Variants in ACTR10 observed in about 807,000 individuals in gnomAD.
ACTR10 encodes the protein actin related protein 10, also known as actin-related protein 10.
ACTR10 carries 43 observed loss-of-function variants against 56.2 expected under a neutral mutation model. That is an observed-to-expected ratio of 0.77 (90% confidence interval 0.60 to 0.99). The LOEUF (loss-of-function observed/expected upper bound fraction) is 0.99, where lower values mean the gene tolerates loss of function less well. Ranked by LOEUF, ACTR10 falls within the 50% of genes least tolerant of loss-of-function variation. The pLI is 0.00. For synonymous variants in ACTR10, 170 were observed against 176.3 expected (o/e 0.96, Z 0.28); for missense variants, 466 against 507.8 (o/e 0.92, Z 0.79).
chr14:58,219,777 T>A, intron 8 of ACTR10, 48 bp downstream of exon 8: 1 of 1,251,596 alleles, frequency 8.0e-7, no homozygotes, highest in African/African-American at 1.6e-5. Context: ...AGTGTTACTT[T>A]GGAGGGCATA....
intron 2 of ACTR10, 35 bp downstream of exon 2, chr14:58,202,962 A>C (rs750883909): frequency 7.5e-7 from 1 of 1,330,550 alleles, no homozygotes; most frequent in Admixed American, 1.9e-5. Flanking sequence ...AATAAATGCC[A>C]TACTATAAAA....
chr14:58,231,003 C>T (rs148474329), intron 11 of ACTR10: 17,635 of 260,658 alleles, frequency 0.068, 852 homozygotes, highest in Non-Finnish European at 0.1. Context: ...GTGATCCGCC[C>T]GCCTCGGCCT....
chr14:58,233,201 G>A (rs1434580287), intron 12 of ACTR10, among the ~76,000 whole-genome samples: 3 of 152,086 alleles, frequency 2.0e-5, no homozygotes, highest in African/African-American at 7.2e-5. Context: ...TCATTTTAAT[G>A]TCTTCTAAAG....
At chr14:58,211,090 G>T in intron 4 of ACTR10, 1 of 441,316 alleles carries the variant, frequency 2.3e-6, no homozygotes, top group Non-Finnish European at 4.1e-6. Flanking sequence ...TTTTATTACA[G>T]TGTATTTTGG....
chr14:58,208,998 G>C lies in ACTR10; in HGVS notation c.234-1G>C. ...TTAAAACCAAAACTTTCACTTTTCA[G>C]GCATCTATTGGTGAATCCCAGAGAC... On this transcript the variant is annotated splice_acceptor_variant, in intron 3 of 12. Transcript: ENST00000254286. LOFTEE classifies it high-confidence loss of function. 6.3e-7 allele frequency: 1 copy of C among 1,598,026 alleles called. No homozygotes were observed. The highest frequency in any genetic ancestry group is 8.5e-7 in the Non-Finnish European group (1 of 1,172,242).
At chr14:58,232,028 T>C in intron 11 of ACTR10, 38 bp from the exon 12 acceptor site, 1 of 1,431,028 alleles carries the variant, frequency 7.0e-7, no homozygotes. Context: ...ATTTGTACAG[T>C]TCAGAATAAA....
chr14:58,223,559 G>A (rs943332786), intron 8 of ACTR10, 63 bp from the exon 9 acceptor site: 3 of 1,301,886 alleles, frequency 2.3e-6, no homozygotes, highest in Non-Finnish European at 2.2e-6. Flanking sequence ...TAACTGGGGT[G>A]TAGGTACACT....
intron 10 of ACTR10, among the ~76,000 whole-genome samples, chr14:58,227,760 T>C (rs527548901): frequency 3.5e-4 from 53 of 152,338 alleles, no homozygotes; most frequent in African/African-American, 1.1e-3. Context: ...GGATTTTATG[T>C]TTTGAAAAGG....
rs750588197 is a variant in ACTR10 at position 58,209,117 on chromosome 14, T to G, written c.342+10T>G. On this transcript the variant is annotated intron_variant, in intron 4 of 12. Transcript: ENST00000254286. ...TTTCAAATATTTTGAGGTACCTGTC[T>G]TTATATCAAATAAGTAAATTGCTTT... The G allele has an allele frequency of 2.5e-5, 37 of 1,501,944 alleles. No homozygotes were observed. Among genetic ancestry groups the G allele is most frequent in the Non-Finnish European group, 3.3e-5 (36 of 1,102,798 alleles). The allele number at this position is 1,501,944 out of a possible 1,614,324, so 93.0% of individuals were successfully genotyped here.
intron 2 of ACTR10, among the ~76,000 whole-genome samples, chr14:58,205,295 A>G (rs1019313406): frequency 4.6e-5 from 7 of 150,822 alleles, no homozygotes; most frequent in Non-Finnish European, 5.9e-5. Context: ...TATATTTGGC[A>G]TTTACATACA....
At position 58,216,929 on chromosome 14, in the gene ACTR10, T is replaced by C. The variant is rs943236135; in HGVS notation, c.598+1645T>C. On this transcript the variant is annotated intron_variant, in intron 7 of 12. Transcript: ENST00000254286. ...TTATTTTTCAATCTGCAGCACCTAG[T>C]ATAGTGCTAGGGCATTGAATATATG... Among the ~76,000 whole-genome samples the C allele has an allele frequency of 2.0e-5, 3 of 152,218 alleles. No individual in the cohort carries two copies. In the East Asian group the frequency reaches 5.8e-4, roughly 29 times the overall value.
In ACTR10 at chr14:58,234,465, C is replaced by T. The variant is rs1393815266; in HGVS notation, c.1168C>T (p.Leu390Phe). ...QTGRIPDWCS[L>F]NNPPLEMMFD... ...GGGCCGTATACCTGATTGGTGTTCT[C>T]TCAATAACCCACCTTTGGAAATGAT... The change falls in exon 13 of 13, where the codon CTC becomes TTC. Residue 390 changes from leucine (L) to phenylalanine (F), a missense_variant. Physicochemically the swap from Leu to Phe is conservative, Grantham distance 22. Coordinates refer to ENST00000254286, the MANE Select transcript of ACTR10 (RefSeq NM_018477.3). The T allele has an allele frequency of 1.2e-6, 2 of 1,613,510 alleles. No individual in the cohort carries two copies. Among genetic ancestry groups the T allele is most frequent in the Non-Finnish European group, 1.7e-6 (2 of 1,179,682 alleles).
At chr14:58,232,327 A>G in intron 12 of ACTR10, 60 bp downstream of exon 12, 2 of 1,237,808 alleles carry the variant, frequency 1.6e-6, no homozygotes, top group African/African-American at 1.5e-5. Flanking sequence ...GAATGACACT[A>G]TTAATGGATA....
chr14:58,204,937 AAC>A (rs1888819187), intron 2 of ACTR10, among the ~76,000 whole-genome samples: 1 of 152,150 alleles, frequency 6.6e-6, no homozygotes, highest in African/African-American at 2.4e-5. Context: ...GTTTTATAAA[AAC>A]ACATGTTGGC....
intron 12 of ACTR10, among the ~76,000 whole-genome samples, chr14:58,233,366 G>A (rs745848273): frequency 3.9e-5 from 6 of 152,086 alleles, no homozygotes; most frequent in Non-Finnish European, 7.4e-5. Context: ...TGAATTATGT[G>A]GGTCCACTCA....
chr14:58,211,345 A>C lies in ACTR10; in HGVS notation c.396A>C (p.Gly132=). 1 of 1,613,868 alleles carries C rather than the reference A, an allele frequency of 6.2e-7. No individual in the cohort carries two copies. Among genetic ancestry groups the C allele is most frequent in the African/African-American group, 1.3e-5 (1 of 75,012 alleles). The change falls in exon 5 of 13, where the codon GGA becomes GGC. Residue 132 remains glycine, a synonymous_variant. Transcript: ENST00000254286. ...PSHLMALLTL[G]INSAMVLDCG... Reference sequence around the variant, plus strand: ...ATCTAATGGCTCTTCTGACGCTTGGAATTAATTCTGCCATGGTCCTAGATT... The same window carrying C: ...ATCTAATGGCTCTTCTGACGCTTGGCATTAATTCTGCCATGGTCCTAGATT...
intron 6 of ACTR10, among the ~76,000 whole-genome samples, chr14:58,214,222 A>G (rs1276477167): frequency 6.6e-6 from 1 of 152,024 alleles, no homozygotes; most frequent in Non-Finnish European, 1.5e-5. Context: ...CATGAGTTAC[A>G]TTGTTTTGCT....
At chr14:58,210,697 C>G (rs1888971424) in intron 4 of ACTR10, among the ~76,000 whole-genome samples, 1 of 133,374 alleles carries the variant, frequency 7.5e-6, no homozygotes, top group East Asian at 2.2e-4. Context: ...TTTTTTGAGA[C>G]AGAGTCTTGC....
At chr14:58,205,153 G>A (rs751721033) in intron 2 of ACTR10, among the ~76,000 whole-genome samples, 2 of 151,862 alleles carry the variant, frequency 1.3e-5, no homozygotes, top group Non-Finnish European at 2.9e-5. Context: ...CCCGGGAGGT[G>A]GAGGTTGTGG....
Sources: allele counts gnomAD v4.1 joint callset (sites outside exome capture counted in the v4.1 genomes callset), GRCh38; gene constraint gnomAD v4.1.1; transcripts MANE v1.5; gene names NCBI Gene and HGNC (gene_info 2026-07-23, HGNC 2026-07-21).